Variants in POLR3A observed in about 807,000 individuals in gnomAD.
POLR3A encodes RNA polymerase III subunit A.
POLR3A carries 112 observed loss-of-function variants against 152.8 expected under a neutral mutation model. That is an observed-to-expected ratio of 0.73 (90% confidence interval 0.63 to 0.86). The LOEUF is 0.86. POLR3A is among the 40% of genes least tolerant of loss of function. The pLI, the probability that POLR3A is intolerant of heterozygous loss-of-function variation, is 0.00. For missense variants in POLR3A, 1,385 were observed against 1,743.1 expected (o/e 0.79, Z 3.66); for synonymous variants, 615 against 652.1 (o/e 0.94, Z 0.87).
chr10:78,022,040 C>G lies in POLR3A; in HGVS notation c.886-18G>C. On this transcript the variant is annotated intron_variant, in intron 6 of 30. Coordinates refer to ENST00000372371, the MANE Select transcript of POLR3A (RefSeq NM_007055.4). ...ATCCGATGCTAAAACCAGCACAGCC[C>G]AAACAGAAACAAACCTGGTCAGTTT... 6.2e-7 allele frequency: 1 copy of G among 1,614,160 alleles called. No homozygotes were observed. Among genetic ancestry groups the G allele is most frequent in the Non-Finnish European group, 8.5e-7 (1 of 1,180,038 alleles).
chr10:77,985,816 G>A (rs1465926423), intron 23 of POLR3A, 87 bp downstream of exon 23: 3 of 978,128 alleles, frequency 3.1e-6, no homozygotes, highest in East Asian at 4.8e-5. Context: ...AAGTGAGCTG[G>A]TGCAGGGTTT....
rs191840824 is a variant in POLR3A at position 78,004,981 on chromosome 10, T to C, written c.2075-93A>G. 778 of 969,964 alleles carry C rather than the reference T, an allele frequency of 8.0e-4. 5 individuals are homozygous for C. The African/African-American group carries it at 0.011, about 14-fold the overall frequency. The allele number at this position is 969,964 out of a possible 1,614,324, so 60.1% of individuals were successfully genotyped here. On this transcript the variant is annotated intron_variant, in intron 15 of 30. Coordinates refer to ENST00000372371, the MANE Select transcript of POLR3A (RefSeq NM_007055.4). ...TATGCCTGCTAGATATAGTTTGTAC[T>C]ATATATAAACTATGTATGTATAGTT...
intron 30 of POLR3A, among the ~76,000 whole-genome samples, chr10:77,979,134 T>C (rs1194961225): frequency 3.3e-5 from 5 of 152,208 alleles, no homozygotes; most frequent in South Asian, 2.1e-4. Flanking sequence ...TAAAGACTTA[T>C]GTAATATTTA....
At chr10:78,002,384 T>G in intron 16 of POLR3A, 76 bp from the exon 17 acceptor site, 1 of 1,006,992 alleles carries the variant, frequency 9.9e-7, no homozygotes, top group East Asian at 2.6e-5. Flanking sequence ...ATCTAACATT[T>G]AAAGAAATTT....
intron 5 of POLR3A, 74 bp downstream of exon 5, chr10:78,024,475 G>C: frequency 4.7e-6 from 7 of 1,502,492 alleles, no homozygotes; most frequent in South Asian, 2.3e-5. Context: ...AGTTGGGGGA[G>C]AGAGTGTGCA....
intron 11 of POLR3A, 143 bp from the exon 12 acceptor site, chr10:78,010,683 G>A: frequency 1.4e-6 from 1 of 716,226 alleles, no homozygotes; most frequent in Non-Finnish European, 2.6e-6. Flanking sequence ...CCAGGGGTCT[G>A]AATCCCAGCT....
At chr10:78,019,506 T>G (rs955075734) in intron 8 of POLR3A, 1 of 556,486 alleles carries the variant, frequency 1.8e-6, no homozygotes, top group African/African-American at 1.9e-5. Flanking sequence ...ATTCCTTTCC[T>G]GGTGCTTGGT....
intron 9 of POLR3A, among the ~76,000 whole-genome samples, chr10:78,018,930 C>T (rs897729417): frequency 6.6e-6 from 1 of 152,086 alleles, no homozygotes; most frequent in African/African-American, 2.4e-5. Context: ...ATTTTGTCCT[C>T]CTGGATCCAA....
Position 78,025,000 on chromosome 10 carries a change from T to G in POLR3A, c.461A>C (p.Asn154Thr). Reference sequence around the variant, plus strand: ...AAAAGCGCCACAGTGATGGCAGATGTTTTTCTTCCGGCACTTGTCAGAGAT... The same window carrying G: ...AAAAGCGCCACAGTGATGGCAGATGGTTTTCTTCCGGCACTTGTCAGAGAT... ...KKISDKCRKK[N>T]ICHHCGAFNG... The change falls in exon 4 of 31, where the codon AAC becomes ACC. Residue 154 changes from asparagine to threonine, a missense_variant. Coordinates refer to ENST00000372371, the MANE Select transcript of POLR3A (RefSeq NM_007055.4). 6.2e-7 allele frequency: 1 copy of G among 1,614,190 alleles called. No individual in the cohort carries two copies. The highest frequency in any genetic ancestry group is 1.1e-5 in the South Asian group (1 of 91,082).
At position 77,994,956 on chromosome 10, in the gene POLR3A, G is replaced by A. The variant is rs544434084; in HGVS notation, c.2617-1589C>T. Among the ~76,000 whole-genome samples the A allele has an allele frequency of 1.2e-4, 18 of 152,188 alleles. No homozygotes were observed. The South Asian group carries it at 2.3e-3, about 19-fold the overall frequency. ...AAGGGAAGCCCATCAGACTAACAGC[G>A]GATCTCTCGGCAGAAACTCTACAAG... is the stretch of plus-strand genomic sequence containing the variant. On this transcript the variant is annotated intron_variant, in intron 19 of 30. Coordinates refer to ENST00000372371, the MANE Select transcript of POLR3A (RefSeq NM_007055.4).
intron 8 of POLR3A, chr10:78,020,301 C>CA (rs1847566211): frequency 6.6e-6 from 1 of 151,754 alleles, no homozygotes; most frequent in African/African-American, 2.4e-5. Flanking sequence ...GCCTGGGCAA[C>CA]ATACTGAGAA....
At position 78,029,358 on chromosome 10, in the gene POLR3A, T is replaced by C. The variant is rs1246709193; in HGVS notation, c.44+6A>G. On this transcript the variant is annotated splice_donor_region_variant and intron_variant, in intron 1 of 30. Coordinates refer to ENST00000372371, the MANE Select transcript of POLR3A (RefSeq NM_007055.4). Reference sequence around the variant, plus strand: ...CAGCCCTTTGGCCACTCTTACTCCGTCTTACATTTTCTTGGCCACATCCGT... The same window carrying C: ...CAGCCCTTTGGCCACTCTTACTCCGCCTTACATTTTCTTGGCCACATCCGT... The C allele has an allele frequency of 5.0e-6, 8 of 1,613,904 alleles. No individual in the cohort carries two copies. The highest frequency in any genetic ancestry group is 6.8e-6 in the Non-Finnish European group (8 of 1,180,002).
At chr10:77,993,462 A>C (rs1847269290) in intron 19 of POLR3A, 95 bp from the exon 20 acceptor site, 2 of 911,368 alleles carry the variant, frequency 2.2e-6, no homozygotes, top group African/African-American at 1.6e-5. Context: ...CAAGGTTACA[A>C]GCACTTTAAT....
At chr10:77,990,579 G>C (rs1286500808) in intron 21 of POLR3A, among the ~76,000 whole-genome samples, 1 of 151,692 alleles carries the variant, frequency 6.6e-6, no homozygotes, top group Non-Finnish European at 1.5e-5. Context: ...GTTGGCTGGT[G>C]AGATTTTGCC....
chr10:77,982,678 T>A lies in POLR3A; in HGVS notation c.3569A>T (p.Gln1190Leu). The A allele has an allele frequency of 6.2e-7, 1 of 1,613,542 alleles. No homozygotes were observed. Among genetic ancestry groups the A allele is most frequent in the Non-Finnish European group, 8.5e-7 (1 of 1,179,968 alleles). The change falls in exon 27 of 31, where the codon CAG (glutamine) becomes CTG (leucine). Residue 1190 changes from glutamine (Q) to leucine (L), a missense_variant. Transcript: ENST00000372371. ...NSKSSMYYVL[Q>L]FLKEDLPKVV... ...CTTGGGGAGATCCTCTTTCAGGAAC[T>A]GCAGCACGTAGTACATGGAGCTCTT...
At position 78,009,607 on chromosome 10, in the gene POLR3A, C is replaced by T. The variant is rs1847444791; in HGVS notation, c.1839G>A (p.Val613=). 2 of 1,614,188 alleles carry T rather than the reference C, an allele frequency of 1.2e-6. No individual in the cohort carries two copies. Among genetic ancestry groups the T allele is most frequent in the Non-Finnish European group, 1.7e-6 (2 of 1,180,040 alleles). ...VILRPSDDNP[V]RANLRTKGKQ... ...TGCCCTTGGTTCGCAGGTTGGCCCT[C>T]ACTGGATTGTCATCGCTAGGCCTGA... The change falls in exon 14 of 31, where the codon GTG becomes GTA. Residue 613 remains valine, a synonymous_variant. Transcript: ENST00000372371.
In POLR3A at chr10:78,022,288, A is replaced by G. The variant is rs762914859; in HGVS notation, c.742T>C (p.Ser248Pro). The stretch of plus-strand genomic sequence containing the variant: ...AAAAGTCGTGTGAGAATCAAATCAG[A>G]CGGCTTTCCGGCTTCTGGGTTCATC... ...LLMNPEAGKP[S>P]DLILTRLLVP... The change falls in exon 6 of 31, where the codon TCT (serine) becomes CCT (proline). Residue 248 changes from serine to proline, a missense_variant. Coordinates refer to ENST00000372371, the MANE Select transcript of POLR3A (RefSeq NM_007055.4). 10 of 1,614,218 alleles carry G rather than the reference A, an allele frequency of 6.2e-6. No homozygotes were observed. The Admixed American group carries it at 1.5e-4, about 24-fold the overall frequency.
intron 15 of POLR3A, among the ~76,000 whole-genome samples, chr10:78,007,399 A>G (rs563401935): frequency 7.8e-4 from 119 of 152,224 alleles, no homozygotes; most frequent in Non-Finnish European, 1.5e-3. Flanking sequence ...GTGCTTCCAC[A>G]GGGACCTTGG....
At chr10:77,977,736 C>T in intron 30 of POLR3A, 110 bp from the exon 31 acceptor site, 2 of 879,038 alleles carry the variant, frequency 2.3e-6, no homozygotes, top group East Asian at 5.0e-5. Flanking sequence ...GTCCCAGCGC[C>T]ACTCCACATC....
Sources: allele counts gnomAD v4.1 joint callset (sites outside exome capture counted in the v4.1 genomes callset), GRCh38; gene constraint gnomAD v4.1.1; transcripts MANE v1.5; gene names NCBI Gene and HGNC (gene_info 2026-07-23, HGNC 2026-07-21).